The following SLC4A4 variants were observed in gnomAD, a reference collection of about 807,000 sequenced individuals.
SLC4A4 encodes solute carrier family 4 member 4, also known as electrogenic sodium bicarbonate cotransporter 1.
A neutral mutation model predicts 111.5 loss-of-function variants in SLC4A4; 27 were observed. That is an observed-to-expected ratio of 0.24 (90% CI 0.18 to 0.33). SLC4A4 has a LOEUF of 0.33. Among genes scored for constraint, SLC4A4 ranks in the 10% least tolerant of loss-of-function variants. SLC4A4 has a pLI of 1.00. For synonymous variants in SLC4A4, 443 were observed against 463.4 expected (o/e 0.96, Z 0.57); for missense variants, 909 against 1,315.5 (o/e 0.69, Z 4.78).
intron 2 of SLC4A4, among the ~76,000 whole-genome samples, chr4:71,093,052 G>A (rs188988445): frequency 2.2e-3 from 339 of 151,450 alleles, no homozygotes; most frequent in African/African-American, 7.6e-3. Context: ...CCGAGATCAC[G>A]CCACTGCACT....
Position 71,534,370 on chromosome 4 carries a change from G to A in SLC4A4, c.2424G>A (p.Arg808=). Residue 808 remains arginine, a synonymous_variant, in exon 18 of 26, where the codon AGG becomes AGA. Transcript: ENST00000264485. ...AAATTACAGCTGTGATTGTAAACAGGAAAGAACATAAACTCAAGGTAAGTG... is the reference window on the plus strand; with the variant it reads ...AAATTACAGCTGTGATTGTAAACAGAAAAGAACATAAACTCAAGGTAAGTG... ...DQQITAVIVN[R]KEHKLKKGAG... is the part of the protein sequence containing the mutation. The A allele has an allele frequency of 3.1e-6, 5 of 1,613,482 alleles. No individual in the cohort carries two copies. Among genetic ancestry groups the A allele is most frequent in the Non-Finnish European group, 4.2e-6 (5 of 1,179,628 alleles).
chr4:71,224,317 C>A (rs1325695264), intron 1 of SLC4A4, among the ~76,000 whole-genome samples: 1 of 152,166 alleles, frequency 6.6e-6, no homozygotes, highest in Non-Finnish European at 1.5e-5. Flanking sequence ...TCCTCAACTG[C>A]CAGAGCTCAA....
chr4:71,406,233 A>G (rs1010436387), intron 7 of SLC4A4, among the ~76,000 whole-genome samples: 1 of 152,142 alleles, frequency 6.6e-6, no homozygotes, highest in Admixed American at 6.5e-5. Flanking sequence ...TAGTTAAATA[A>G]AAAGTTTTAT....
intron 7 of SLC4A4, among the ~76,000 whole-genome samples, chr4:71,400,048 T>A (rs1720219361): frequency 6.6e-6 from 1 of 152,222 alleles, no homozygotes; most frequent in Non-Finnish European, 1.5e-5. Context: ...CAAGCCATGC[T>A]GATTATTTGC....
At chr4:71,255,184 G>T in intron 2 of SLC4A4, 36 bp from the exon 3 acceptor site, 1 of 1,597,580 alleles carries the variant, frequency 6.3e-7, no homozygotes, top group South Asian at 1.1e-5. Context: ...AGAGAATGTG[G>T]TTTGAACTGA....
intron 6 of SLC4A4, among the ~76,000 whole-genome samples, chr4:71,384,621 GC>G (rs1384179930): frequency 1.5e-5 from 2 of 133,770 alleles, no homozygotes; most frequent in African/African-American, 5.8e-5. Context: ...GGGCGGCACA[GC>G]AAGACTCCGT....
At chr4:71,085,645 C>A (rs1156614454) in intron 1 of SLC4A4, among the ~76,000 whole-genome samples, 1 of 152,032 alleles carries the variant, frequency 6.6e-6, no homozygotes, top group Non-Finnish European at 1.5e-5. Flanking sequence ...TTTTCCAGCA[C>A]CATTTATTAA....
At chr4:71,097,588 A>G (rs1457680371) in intron 2 of SLC4A4, among the ~76,000 whole-genome samples, 1 of 152,192 alleles carries the variant, frequency 6.6e-6, no homozygotes, top group African/African-American at 2.4e-5. Flanking sequence ...TAGCTTTTTA[A>G]GGAATCACCA....
intron 18 of SLC4A4, among the ~76,000 whole-genome samples, chr4:71,536,044 T>G (rs1417818649): frequency 6.6e-6 from 1 of 152,132 alleles, no homozygotes; most frequent in African/African-American, 2.4e-5. Flanking sequence ...GAGTAGATAC[T>G]GTACTGCTCT....
At chr4:71,549,353 T>A (rs1735795707) in intron 20 of SLC4A4, among the ~76,000 whole-genome samples, 1 of 151,834 alleles carries the variant, frequency 6.6e-6, no homozygotes, top group Non-Finnish European at 1.5e-5. Flanking sequence ...GAGATCATTT[T>A]TAGAGAGTTC....
intron 1 of SLC4A4, among the ~76,000 whole-genome samples, chr4:71,227,061 C>T (rs1578628099): frequency 6.6e-6 from 1 of 152,010 alleles, no homozygotes; most frequent in South Asian, 2.1e-4. Flanking sequence ...TGCATTGTAA[C>T]GTGCTATATG....
At chr4:71,544,234 C>T (rs936002328) in intron 18 of SLC4A4, among the ~76,000 whole-genome samples, 18 of 151,870 alleles carry the variant, frequency 1.2e-4, no homozygotes, top group African/African-American at 3.4e-4. Flanking sequence ...GAAGGAAAAC[C>T]AACCAGAAAA....
chr4:71,487,375 C>G (rs1478708671), intron 15 of SLC4A4, among the ~76,000 whole-genome samples: 1 of 151,636 alleles, frequency 6.6e-6, no homozygotes, highest in Non-Finnish European at 1.5e-5. Context: ...CTCTCTGTTT[C>G]TCGTATGGTT....
At chr4:71,212,173 T>G (rs940165874) in intron 1 of SLC4A4, among the ~76,000 whole-genome samples, 3 of 152,354 alleles carry the variant, frequency 2.0e-5, no homozygotes, top group Admixed American at 6.5e-5. Context: ...TAGGTCTAAT[T>G]TTAAAATTGT....
chr4:71,316,084 T>TA (rs1419958082), intron 3 of SLC4A4, among the ~76,000 whole-genome samples: 1 of 152,146 alleles, frequency 6.6e-6, no homozygotes, highest in Non-Finnish European at 1.5e-5. Context: ...CCAAACCATT[T>TA]AAAAAACAAA....
chr4:71,508,203 G>A (rs932665966), intron 16 of SLC4A4, among the ~76,000 whole-genome samples: 55 of 152,042 alleles, frequency 3.6e-4, no homozygotes, highest in African/African-American at 1.2e-3. Context: ...AAACAAACCC[G>A]AAAGCTAGCA....
At chr4:71,425,175 T>C (rs1356417583) in intron 7 of SLC4A4, among the ~76,000 whole-genome samples, 2 of 152,120 alleles carry the variant, frequency 1.3e-5, no homozygotes, top group Non-Finnish European at 2.9e-5. Flanking sequence ...ACGCAAGCCC[T>C]GTCCTCAGCT....
At chr4:71,431,849 T>C (rs1398790623) in intron 7 of SLC4A4, among the ~76,000 whole-genome samples, 1 of 152,020 alleles carries the variant, frequency 6.6e-6, no homozygotes, top group East Asian at 1.9e-4. Context: ...ATCCAGTCAG[T>C]AGGTTCCAGA....
intron 1 of SLC4A4, among the ~76,000 whole-genome samples, chr4:71,081,560 C>T (rs1338577341): frequency 6.6e-6 from 1 of 152,132 alleles, no homozygotes; most frequent in Non-Finnish European, 1.5e-5. Context: ...TTTCCTTGCT[C>T]TACGTTACAG....
Sources: gnomAD v4.1 joint callset for allele counts (sites outside exome capture counted in the v4.1 genomes callset) on GRCh38, gnomAD v4.1.1 for gene constraint, MANE v1.5 for transcripts, NCBI Gene and HGNC (gene_info 2026-07-23, HGNC 2026-07-21) for gene names.